NOL4: variants seen among roughly 807,000 people sequenced by gnomAD.
NOL4 encodes nucleolar protein 4.
Under a neutral mutation model 75.9 loss-of-function variants are expected in NOL4, and 17 were observed. The ratio of observed to expected loss-of-function variants is 0.22; its 90% CI spans 0.15 to 0.34. The LOEUF is 0.34. Among genes scored for constraint, NOL4 ranks in the 10% least tolerant of loss-of-function variants. NOL4 has a pLI of 1.00. For missense variants in NOL4, 614 were observed against 793.5 expected, an observed-to-expected ratio of 0.77 and a Z score of 2.72; for synonymous variants, 292 against 289.9, an observed-to-expected ratio of 1.01 and a Z score of -0.07.
intron 6 of NOL4, among the ~76,000 whole-genome samples, chr18:33,998,754 CAATT>C (rs745308488): frequency 6.6e-6 from 1 of 152,050 alleles, no homozygotes; most frequent in Non-Finnish European, 1.5e-5. Flanking sequence ...GCTTGCTTGT[CAATT>C]AAATTAATGA....
chr18:33,872,417 A>T (rs937240600), intron 10 of NOL4, among the ~76,000 whole-genome samples: 1 of 152,036 alleles, frequency 6.6e-6, no homozygotes, highest in Non-Finnish European at 1.5e-5. Flanking sequence ...ATTACTATTT[A>T]AGAATCAGCA....
chr18:34,185,346 T>C (rs1405135493), intron 1 of NOL4, among the ~76,000 whole-genome samples: 1 of 152,146 alleles, frequency 6.6e-6, no homozygotes. Flanking sequence ...TTTTTCATAG[T>C]TCTCCACACC....
At chr18:33,950,051 A>G (rs2069106459) in intron 8 of NOL4, among the ~76,000 whole-genome samples, 1 of 151,814 alleles carries the variant, frequency 6.6e-6, no homozygotes, top group African/African-American at 2.4e-5. Context: ...TAAACTTACA[A>G]TTATTGTACA....
chr18:34,200,339 A>C (rs964038298), intron 1 of NOL4, among the ~76,000 whole-genome samples: 12 of 151,832 alleles, frequency 7.9e-5, no homozygotes, highest in African/African-American at 2.9e-4. Context: ...TACCGGTGCC[A>C]GATCGTAATG....
At chr18:34,098,981 G>C (rs1246116548) in intron 4 of NOL4, among the ~76,000 whole-genome samples, 1 of 152,018 alleles carries the variant, frequency 6.6e-6, no homozygotes, top group African/African-American at 2.4e-5. Context: ...TTCTTTCTTT[G>C]ATGTGTACAT....
At chr18:34,193,058 C>A (rs2035038019) in intron 1 of NOL4, among the ~76,000 whole-genome samples, 1 of 152,108 alleles carries the variant, frequency 6.6e-6, no homozygotes, top group Non-Finnish European at 1.5e-5. Context: ...CTTTGGTATT[C>A]TGTTACAGAA....
At chr18:34,075,490 T>C (rs2077704999) in intron 5 of NOL4, among the ~76,000 whole-genome samples, 1 of 152,086 alleles carries the variant, frequency 6.6e-6, no homozygotes, top group African/African-American at 2.4e-5. Flanking sequence ...TCACATGAGG[T>C]CAGGTTTGGA....
chr18:33,992,567 C>T (rs1941348), intron 6 of NOL4, among the ~76,000 whole-genome samples: 1 of 151,888 alleles, frequency 6.6e-6, no homozygotes, highest in African/African-American at 2.4e-5. Context: ...CTCACAACAA[C>T]CCCCTTCCAG....
intron 2 of NOL4, among the ~76,000 whole-genome samples, chr18:34,126,854 TC>T (rs1310903380): frequency 6.6e-6 from 1 of 152,048 alleles, no homozygotes; most frequent in African/African-American, 2.4e-5. Context: ...TATTTTAAGT[TC>T]AAACATGAGT....
chr18:34,038,806 A>G (rs2076021440), intron 5 of NOL4, among the ~76,000 whole-genome samples: 2 of 151,992 alleles, frequency 1.3e-5, no homozygotes, highest in African/African-American at 4.8e-5. Context: ...TAGATAGAAA[A>G]ACAAGTTCTA....
chr18:34,099,375 A>AAAAAAAAAAAAAAAAAAAAAAAAAAAC (rs1222045912), intron 4 of NOL4, among the ~76,000 whole-genome samples: 1 of 150,248 alleles, frequency 6.7e-6, no homozygotes, highest in African/African-American at 2.4e-5. Flanking sequence ...AAAAAAAAAA[A>AAAAAAAAAAAAAAAAAAAAAAAAAAAC]AAGACAACTA....
chr18:33,983,663 T>C (rs2072183623), intron 6 of NOL4, among the ~76,000 whole-genome samples: 1 of 152,058 alleles, frequency 6.6e-6, no homozygotes, highest in African/African-American at 2.4e-5. Context: ...TATACACATA[T>C]ATGTAAACAT....
intron 5 of NOL4, among the ~76,000 whole-genome samples, chr18:34,089,430 C>A (rs1339168408): frequency 6.6e-6 from 1 of 151,966 alleles, no homozygotes; most frequent in African/African-American, 2.4e-5. Flanking sequence ...AGTTTAACTG[C>A]CAGTCAAAAT....
chr18:34,127,331 T>C (rs2080433223), intron 2 of NOL4, among the ~76,000 whole-genome samples: 1 of 151,938 alleles, frequency 6.6e-6, no homozygotes, highest in Non-Finnish European at 1.5e-5. Context: ...ACTAGATCTA[T>C]TGATAATATT....
intron 5 of NOL4, among the ~76,000 whole-genome samples, chr18:34,020,093 T>C (rs763559153): frequency 6.6e-6 from 1 of 152,268 alleles, no homozygotes; most frequent in Admixed American, 6.5e-5. Flanking sequence ...GCTGGCACTA[T>C]GCTTCATGTA....
intron 5 of NOL4, among the ~76,000 whole-genome samples, chr18:34,030,129 C>T (rs1009871645): frequency 1.3e-4 from 20 of 152,098 alleles, no homozygotes; most frequent in African/African-American, 4.8e-4. Flanking sequence ...AAATAAAATT[C>T]CACTTTGATT....
At chr18:33,999,324 A>AT in intron 6 of NOL4, among the ~76,000 whole-genome samples, 1 of 151,704 alleles carries the variant, frequency 6.6e-6, no homozygotes, top group East Asian at 1.9e-4. Context: ...GATAATGCTA[A>AT]TTTTTTTATT....
At chr18:33,922,120 A>T (rs2067077633) in intron 9 of NOL4, among the ~76,000 whole-genome samples, 1 of 152,226 alleles carries the variant, frequency 6.6e-6, no homozygotes, top group African/African-American at 2.4e-5. Context: ...CAGGACCAAG[A>T]GATCTCTGAG....
At position 34,054,230 on chromosome 18, in the gene NOL4, G is replaced by T. The variant is rs1485585761; in HGVS notation, c.773-34629C>A. Among the ~76,000 whole-genome samples, 9 of 151,764 alleles carry T rather than the reference G, an allele frequency of 5.9e-5. No individual in the cohort carries two copies. In the East Asian group the frequency reaches 1.7e-3, roughly 29 times the overall value. On this transcript the variant is annotated intron_variant, in intron 5 of 10. Coordinates refer to ENST00000261592, the MANE Select transcript of NOL4 (RefSeq NM_003787.5). The stretch of plus-strand genomic sequence containing the variant: ...TTAGGTCCAATTAGCTTATAGAATT[G>T]CTCTAGTCCTCTATTTCCTTATTCA...
Sources: allele counts gnomAD v4.1 joint callset (sites outside exome capture counted in the v4.1 genomes callset), GRCh38; gene constraint gnomAD v4.1.1; transcripts MANE v1.5; gene names NCBI Gene and HGNC (gene_info 2026-07-23, HGNC 2026-07-21).